ATOSA: variants seen among roughly 807,000 people sequenced by gnomAD.
ATOSA encodes the protein atos homolog A.
chr15:52,590,755 T>C, the ATOSA span: 1 of 152,218 alleles, frequency 6.6e-6, no homozygotes, highest in Non-Finnish European at 1.5e-5. Context: ...CTGGGTCACT[T>C]GCAAAAAGAA....
At chr15:52,678,399 G>A in the ATOSA span, 16 of 253,988 alleles carry the variant, frequency 6.3e-5, no homozygotes, top group East Asian at 1.2e-3. Flanking sequence ...CAGGCAAGAA[G>A]AAGAAAAAGA....
the ATOSA span, among the ~76,000 whole-genome samples, chr15:52,587,863 A>G: frequency 6.6e-6 from 1 of 152,210 alleles, no homozygotes; most frequent in Non-Finnish European, 1.5e-5. Flanking sequence ...CTAAAATTAA[A>G]TATTTCTTCA....
At chr15:52,613,701 T>G in the ATOSA span, 1 of 1,613,910 alleles carries the variant, frequency 6.2e-7, no homozygotes, top group Non-Finnish European at 8.5e-7. Flanking sequence ...ACATTCATGT[T>G]TGGTAGTTAC....
At chr15:52,643,125 G>A in the ATOSA span, among the ~76,000 whole-genome samples, 3 of 152,032 alleles carry the variant, frequency 2.0e-5, no homozygotes, top group African/African-American at 4.8e-5. Flanking sequence ...TCCCCTCATA[G>A]CAGGCCTTAT....
chr15:52,622,650 G>A, the ATOSA span, among the ~76,000 whole-genome samples: 1 of 152,088 alleles, frequency 6.6e-6, no homozygotes, highest in African/African-American at 2.4e-5. Context: ...GGTTAAGGAG[G>A]GCTTTTTGAA....
chr15:52,584,774 T>C, the ATOSA span: 1 of 1,613,706 alleles, frequency 6.2e-7, no homozygotes, highest in South Asian at 1.1e-5. Context: ...GTAATAACCG[T>C]TCTTCTGTGT....
chr15:52,692,469 A>G, the ATOSA span, among the ~76,000 whole-genome samples: 1 of 151,816 alleles, frequency 6.6e-6, no homozygotes, highest in Non-Finnish European at 1.5e-5. Context: ...CAACCCTCAC[A>G]CCTCAGCCTC....
the ATOSA span, among the ~76,000 whole-genome samples, chr15:52,588,136 G>A: frequency 6.6e-6 from 1 of 152,160 alleles, no homozygotes; most frequent in Non-Finnish European, 1.5e-5. Context: ...AGCATCACTT[G>A]TGAACTCGTT....
At chr15:52,662,725 G>A in the ATOSA span, among the ~76,000 whole-genome samples, 17 of 146,450 alleles carry the variant, frequency 1.2e-4, no homozygotes, top group South Asian at 6.5e-4. Flanking sequence ...AGCTGAGATC[G>A]AGCCACTGCA....
At chr15:52,672,363 G>C in the ATOSA span, among the ~76,000 whole-genome samples, 1 of 151,568 alleles carries the variant, frequency 6.6e-6, no homozygotes, top group African/African-American at 2.4e-5. Flanking sequence ...AAAAGAAAAA[G>C]AAAAAGTCTA....
chr15:52,688,550 G>T, the ATOSA span, among the ~76,000 whole-genome samples: 1 of 152,166 alleles, frequency 6.6e-6, no homozygotes, highest in Non-Finnish European at 1.5e-5. Flanking sequence ...GATCAGATTG[G>T]CCACTGAGGG....
the ATOSA span, among the ~76,000 whole-genome samples, chr15:52,696,293 C>T: frequency 1.4e-4 from 21 of 152,150 alleles, no homozygotes; most frequent in Admixed American, 1.4e-3. Context: ...TTCCCCTACA[C>T]ACCCTGCAAT....
At chr15:52,629,182 C>T in the ATOSA span, among the ~76,000 whole-genome samples, 250 of 152,136 alleles carry the variant, frequency 1.6e-3, no homozygotes, top group African/African-American at 5.8e-3. Flanking sequence ...TTCAATATCA[C>T]GTTAGAGGTC....
the ATOSA span, among the ~76,000 whole-genome samples, chr15:52,699,762 G>A: frequency 1.3e-5 from 2 of 152,082 alleles, no homozygotes; most frequent in South Asian, 4.1e-4. Flanking sequence ...ATATCAAGTG[G>A]GAGTGTGCCC....
At chr15:52,596,221 C>G in the ATOSA span, among the ~76,000 whole-genome samples, 1 of 151,980 alleles carries the variant, frequency 6.6e-6, no homozygotes, top group African/African-American at 2.4e-5. Context: ...GATTGAAAGA[C>G]TTTATATTTT....
At chr15:52,634,305 C>A in the ATOSA span, among the ~76,000 whole-genome samples, 1 of 151,992 alleles carries the variant, frequency 6.6e-6, no homozygotes, top group East Asian at 1.9e-4. Context: ...GTGGTGTAAG[C>A]CTGTAATCCT....
chr15:52,664,773 A>T, the ATOSA span, among the ~76,000 whole-genome samples: 1 of 152,154 alleles, frequency 6.6e-6, no homozygotes, highest in African/African-American at 2.4e-5. Flanking sequence ...ACCAGTCTCT[A>T]CAAAAAATTT....
chr15:52,639,195 A>C, the ATOSA span, among the ~76,000 whole-genome samples: 3 of 152,246 alleles, frequency 2.0e-5, no homozygotes, highest in Middle Eastern at 3.4e-3. Flanking sequence ...TTTGGGCCTG[A>C]AAATCAGACT....
the ATOSA span, among the ~76,000 whole-genome samples, chr15:52,632,666 T>C: frequency 8.3e-4 from 127 of 152,354 alleles, no homozygotes; most frequent in African/African-American, 2.9e-3. Flanking sequence ...CCCAGTGTAG[T>C]TGACAAGTAT....
Sources: gnomAD v4.1 joint callset for allele counts (sites outside exome capture counted in the v4.1 genomes callset) on GRCh38, gnomAD v4.1.1 for gene constraint, MANE v1.5 for transcripts, NCBI Gene and HGNC (gene_info 2026-07-23, HGNC 2026-07-21) for gene names.